Variants in PCDHA5 observed in about 807,000 individuals in gnomAD.
PCDHA5 encodes protocadherin alpha-5.
A neutral mutation model predicts 61.6 loss-of-function variants in PCDHA5; 43 were observed. The ratio of observed to expected loss-of-function variants is 0.70; its 90% confidence interval spans 0.55 to 0.90. The LOEUF (loss-of-function observed/expected upper bound fraction) is 0.90, where lower values mean the gene tolerates loss of function less well. Among genes scored for constraint, PCDHA5 ranks in the 40% least tolerant of loss-of-function variants. PCDHA5 has a pLI of 0.00. For synonymous variants in PCDHA5, 627 were observed against 543.9 expected (o/e 1.15, Z -2.13); for missense variants, 1,298 against 1,222.7 (o/e 1.06, Z -0.92).
chr5:140,889,760 A>T (rs1228592233), intron 1 of PCDHA5, among the ~76,000 whole-genome samples: 1 of 152,158 alleles, frequency 6.6e-6, no homozygotes, highest in Admixed American at 6.5e-5. Flanking sequence ...CTTTCCTTGA[A>T]CTTTGACTGG....
At chr5:140,848,345 G>A (rs1781463859) in intron 1 of PCDHA5, 3 of 918,556 alleles carry the variant, frequency 3.3e-6, no homozygotes, top group South Asian at 3.3e-5. Context: ...GACAAATACA[G>A]CCCTTTTCCC....
intron 3 of PCDHA5, among the ~76,000 whole-genome samples, chr5:141,006,560 C>G (rs1179730864): frequency 2.0e-5 from 3 of 152,084 alleles, no homozygotes; most frequent in Non-Finnish European, 4.4e-5. Flanking sequence ...AAAGATGACT[C>G]TGGCTACTGT....
At chr5:140,918,226 T>C (rs528915665) in intron 1 of PCDHA5, among the ~76,000 whole-genome samples, 1 of 152,342 alleles carries the variant, frequency 6.6e-6, no homozygotes, top group African/African-American at 2.4e-5. Context: ...ATGCTGATTT[T>C]TGTACATTGA....
intron 1 of PCDHA5, chr5:140,850,432 G>A: frequency 6.3e-7 from 1 of 1,597,826 alleles, no homozygotes; most frequent in Non-Finnish European, 8.6e-7. Context: ...CCGCGCCAGC[G>A]CCTACTGGTG....
intron 1 of PCDHA5, chr5:140,883,195 T>G (rs781816525): frequency 6.2e-7 from 1 of 1,613,904 alleles, no homozygotes; most frequent in Non-Finnish European, 8.5e-7. Flanking sequence ...GCAAACTAGA[T>G]TTCGAAGAAA....
rs181858092 is a variant in PCDHA5 at position 140,895,275 on chromosome 5, A to G, written c.2352+71148A>G. The stretch of plus-strand genomic sequence containing the variant: ...TTTCTTTTTTTTCTTACTCAGGGAT[A>G]ATTGAATTAGGACCTTCGATTTCCC... On this transcript the variant is annotated intron_variant, in intron 1 of 3. Transcript: ENST00000529859. 2.0e-5 allele frequency among the ~76,000 whole-genome samples: 3 copies of G among 152,146 alleles called. No individual in the cohort carries two copies. The East Asian group carries it at 5.8e-4, about 29-fold the overall frequency.
At chr5:140,957,070 C>T (rs1260856872) in intron 1 of PCDHA5, among the ~76,000 whole-genome samples, 2 of 151,958 alleles carry the variant, frequency 1.3e-5, no homozygotes, top group Non-Finnish European at 2.9e-5. Context: ...TGACTGAGGG[C>T]TTTTTATTAA....
chr5:140,911,687 G>A (rs1554194873), intron 1 of PCDHA5, among the ~76,000 whole-genome samples: 1 of 152,166 alleles, frequency 6.6e-6, no homozygotes, highest in Non-Finnish European at 1.5e-5. Context: ...CGTGCATCAG[G>A]AGTGTCAAAT....
intron 1 of PCDHA5, among the ~76,000 whole-genome samples, chr5:140,899,342 C>T (rs1317774028): frequency 6.6e-6 from 1 of 152,044 alleles, no homozygotes; most frequent in African/African-American, 2.4e-5. Context: ...ATAGATAGCT[C>T]TTATTATTTT....
At chr5:141,004,367 T>C (rs1281168288) in intron 3 of PCDHA5, among the ~76,000 whole-genome samples, 5 of 152,198 alleles carry the variant, frequency 3.3e-5, no homozygotes, top group Non-Finnish European at 5.9e-5. Context: ...CCACACCTTG[T>C]TCTGCTCTGC....
chr5:140,837,926 ACCT>A (rs1775320032), intron 1 of PCDHA5, among the ~76,000 whole-genome samples: 1 of 151,498 alleles, frequency 6.6e-6, no homozygotes. Flanking sequence ...CGATCCTCCT[ACCT>A]TGGCCTCCCA....
chr5:140,842,755 T>G, intron 1 of PCDHA5: 2 of 1,594,888 alleles, frequency 1.3e-6, no homozygotes, highest in South Asian at 2.2e-5. Flanking sequence ...TCACGGTGTC[T>G]GCGCGAGACG....
intron 1 of PCDHA5, among the ~76,000 whole-genome samples, chr5:140,892,088 C>T (rs782787174): frequency 1.3e-5 from 2 of 152,122 alleles, no homozygotes; most frequent in Non-Finnish European, 2.9e-5. Flanking sequence ...AGTTTCCTCT[C>T]GAAACTTTCA....
intron 3 of PCDHA5, among the ~76,000 whole-genome samples, chr5:141,003,288 T>C (rs2098118136): frequency 2.0e-5 from 3 of 152,182 alleles, no homozygotes; most frequent in African/African-American, 7.2e-5. Context: ...AATTGGATTA[T>C]AGGATTACAT....
chr5:140,915,077 C>G (rs2076970768), intron 1 of PCDHA5, among the ~76,000 whole-genome samples: 1 of 151,656 alleles, frequency 6.6e-6, no homozygotes. Flanking sequence ...TACTGAGTAG[C>G]TGGGACTATG....
chr5:140,966,894 A>C, intron 1 of PCDHA5: 1 of 1,596,438 alleles, frequency 6.3e-7, no homozygotes, highest in African/African-American at 1.3e-5. Flanking sequence ...GCGGCCTCCC[A>C]GCTGCGATAC....
intron 1 of PCDHA5, among the ~76,000 whole-genome samples, chr5:140,965,292 C>T (rs1305794672): frequency 6.6e-6 from 1 of 152,152 alleles, no homozygotes; most frequent in Non-Finnish European, 1.5e-5. Flanking sequence ...GAAAGATTTC[C>T]TCTGATCCTT....
At chr5:140,839,307 C>A (rs1554137377) in intron 1 of PCDHA5, among the ~76,000 whole-genome samples, 1 of 151,838 alleles carries the variant, frequency 6.6e-6, no homozygotes, top group African/African-American at 2.4e-5. Flanking sequence ...TTTAAATATC[C>A]TATTTATATT....
chr5:140,842,478 C>T (rs449407), intron 1 of PCDHA5: 1 of 1,613,928 alleles, frequency 6.2e-7, no homozygotes, highest in East Asian at 2.2e-5. Flanking sequence ...GGGCAGGTGA[C>T]CTGCTCCCTG....
Sources: gnomAD v4.1 joint callset for allele counts (sites outside exome capture counted in the v4.1 genomes callset) on GRCh38, gnomAD v4.1.1 for gene constraint, MANE v1.5 for transcripts, NCBI Gene and HGNC (gene_info 2026-07-23, HGNC 2026-07-21) for gene names.